Variants in AKAP13 observed in about 807,000 individuals in gnomAD.
AKAP13 encodes the protein A-kinase anchoring protein 13.
A neutral mutation model predicts 264.5 loss-of-function variants in AKAP13; 80 were observed. That is an observed-to-expected ratio of 0.30 (90% CI 0.25 to 0.36). AKAP13 has a LOEUF of 0.36. Among genes scored for constraint, AKAP13 ranks in the 10% least tolerant of loss-of-function variants. The pLI is 1.00. For synonymous variants in AKAP13, 1,380 were observed against 1,250.2 expected (o/e 1.10, Z -2.19); for missense variants, 3,712 against 3,435.2 (o/e 1.08, Z -2.01).
chr15:85,586,470 C>G (rs1468392108), intron 8 of AKAP13, among the ~76,000 whole-genome samples: 4 of 152,140 alleles, frequency 2.6e-5, no homozygotes, highest in Non-Finnish European at 4.4e-5. Flanking sequence ...TCCCAAAGTG[C>G]TGGGATTACA....
At chr15:85,412,000 A>G (rs963957213) in intron 1 of AKAP13, among the ~76,000 whole-genome samples, 3 of 152,230 alleles carry the variant, frequency 2.0e-5, no homozygotes, top group African/African-American at 7.2e-5. Flanking sequence ...AAGTAATGAT[A>G]TTAACAAATG....
intron 12 of AKAP13, among the ~76,000 whole-genome samples, chr15:85,662,022 T>C (rs576950229): frequency 6.6e-6 from 1 of 152,178 alleles, no homozygotes; most frequent in Non-Finnish European, 1.5e-5. Context: ...GAGTATGCGA[T>C]GTACTGAGAG....
At chr15:85,517,781 T>C (rs1055577955) in intron 2 of AKAP13, among the ~76,000 whole-genome samples, 1 of 152,216 alleles carries the variant, frequency 6.6e-6, no homozygotes, top group Non-Finnish European at 1.5e-5. Context: ...AGGCCTAGTA[T>C]AGAGGTCTTT....
Position 85,741,240 on chromosome 15 carries a change from C to G in AKAP13, c.7803C>G (p.Arg2601=), listed in dbSNP as rs764098592. The change falls in exon 35 of 37, where the codon CGC becomes CGG. Residue 2601 remains arginine, a synonymous_variant. Coordinates refer to ENST00000394518, the MANE Select transcript of AKAP13 (RefSeq NM_007200.5). Reference sequence around the variant, plus strand: ...AGTACCTCGAGGAGAAGCGCAGGCGCGAGCGTGAGTGGGAAGCTCGTGAGA... The same window carrying G: ...AGTACCTCGAGGAGAAGCGCAGGCGGGAGCGTGAGTGGGAAGCTCGTGAGA... The part of the protein sequence containing the change: ...QAQYLEEKRR[R]EREWEARERE... 2.5e-6 allele frequency: 4 copies of G among 1,608,984 alleles called. No homozygotes were observed. Among genetic ancestry groups the G allele is most frequent in the Non-Finnish European group, 1.7e-6 (2 of 1,177,790 alleles).
intron 19 of AKAP13, among the ~76,000 whole-genome samples, 195 bp from the exon 20 acceptor site, chr15:85,715,593 T>G (rs1164816612): frequency 1.3e-5 from 2 of 151,070 alleles, no homozygotes; most frequent in South Asian, 2.1e-4. Flanking sequence ...ATTTGTCAGA[T>G]GGGTCAGTAC....
intron 5 of AKAP13, chr15:85,555,601 G>A (rs887450297): frequency 4.0e-5 from 27 of 667,720 alleles, no homozygotes; most frequent in Non-Finnish European, 5.4e-5. Flanking sequence ...GAACTTCCCT[G>A]AAGGACTTGT....
chr15:85,517,911 A>C (rs1211299026), intron 2 of AKAP13, among the ~76,000 whole-genome samples: 3 of 152,210 alleles, frequency 2.0e-5, no homozygotes, highest in African/African-American at 7.2e-5. Context: ...TAAGGGGATC[A>C]CGCTGTTTCT....
chr15:85,580,263 G>A lies in AKAP13; in HGVS notation c.2195G>A (p.Cys732Tyr). The A allele has an allele frequency of 1.2e-6, 2 of 1,614,184 alleles. No individual in the cohort carries two copies. Among genetic ancestry groups the A allele is most frequent in the Non-Finnish European group, 1.7e-6 (2 of 1,180,034 alleles). The change falls in exon 7 of 37, where the codon TGT becomes TAT. Residue 732 changes from cysteine to tyrosine, a missense_variant. Around this residue, in one of 3 missense-constraint regions of AKAP13, gnomAD observed 2,759 missense variants for 2,411.7 expected, o/e 1.14. Coordinates refer to ENST00000394518, the MANE Select transcript of AKAP13 (RefSeq NM_007200.5). ...GATACCCAGGAACGTGCGGATTTTT[G>A]TCCTTTCAAAGTGGTGGATAACAAA... ...VRDTQERADF[C>Y]PFKVVDNKGQ...
At chr15:85,442,500 A>G (rs1315899002) in intron 1 of AKAP13, among the ~76,000 whole-genome samples, 1 of 109,422 alleles carries the variant, frequency 9.1e-6, no homozygotes, top group Non-Finnish European at 1.9e-5. Context: ...AATATATATT[A>G]TATTATATAT....
chr15:85,589,058 AATG>A (rs2079477741), intron 8 of AKAP13, among the ~76,000 whole-genome samples: 2 of 152,180 alleles, frequency 1.3e-5, no homozygotes, highest in Non-Finnish European at 2.9e-5. Flanking sequence ...GCATTCTTAT[AATG>A]ATGTGAAATC....
At chr15:85,740,162 G>A in intron 33 of AKAP13, 60 bp from the exon 34 acceptor site, 2 of 1,564,352 alleles carry the variant, frequency 1.3e-6, no homozygotes, top group South Asian at 2.2e-5. Flanking sequence ...ACATTAGTGT[G>A]ATGGATTCTG....
chr15:85,473,765 C>T (rs1350313879), intron 1 of AKAP13, among the ~76,000 whole-genome samples: 1 of 152,162 alleles, frequency 6.6e-6, no homozygotes, highest in Admixed American at 6.5e-5. Flanking sequence ...TAGCCAGGGG[C>T]CTCCCTCCTC....
intron 5 of AKAP13, among the ~76,000 whole-genome samples, chr15:85,573,356 A>T (rs540460717): frequency 6.6e-6 from 1 of 152,230 alleles, no homozygotes; most frequent in East Asian, 1.9e-4. Flanking sequence ...CAGCCTGGCC[A>T]ATGTGGCAAA....
intron 14 of AKAP13, among the ~76,000 whole-genome samples, chr15:85,677,322 C>T (rs545105318): frequency 1.3e-5 from 2 of 152,274 alleles, no homozygotes; most frequent in East Asian, 1.9e-4. Flanking sequence ...CTCCTGATTC[C>T]AGGGCACAAG....
At chr15:85,494,596 T>C (rs1848549367) in intron 2 of AKAP13, among the ~76,000 whole-genome samples, 1 of 152,150 alleles carries the variant, frequency 6.6e-6, no homozygotes, top group Non-Finnish European at 1.5e-5. Context: ...TGGTGACGAA[T>C]TTGATGAGTC....
In AKAP13 at chr15:85,669,795, T is replaced by G; in HGVS notation, c.5066T>G (p.Ile1689Ser). 3.7e-6 allele frequency: 6 copies of G among 1,613,066 alleles called. No individual in the cohort carries two copies. Among genetic ancestry groups the G allele is most frequent in the Non-Finnish European group, 5.1e-6 (6 of 1,179,120 alleles). ...SAISSPLTKSISLMTISHPGL... is the reference protein window; with the variant it reads ...SAISSPLTKSSSLMTISHPGL... ...ATTTCCTCTCCATTGACAAAATCCA[T>G]CTCATTAATGACAATCAGCCATCCT... The change falls in exon 14 of 37, where the codon ATC becomes AGC. Residue 1689 changes from isoleucine (I) to serine (S), a missense_variant. Physicochemically the swap from Ile to Ser is moderately radical, Grantham distance 142. Around this residue, in one of 3 missense-constraint regions of AKAP13, gnomAD observed 2,759 missense variants for 2,411.7 expected, o/e 1.14. Coordinates refer to ENST00000394518, the MANE Select transcript of AKAP13 (RefSeq NM_007200.5).
At chr15:85,674,063 G>A (rs1332338013) in intron 14 of AKAP13, among the ~76,000 whole-genome samples, 1 of 151,668 alleles carries the variant, frequency 6.6e-6, no homozygotes, top group Non-Finnish European at 1.5e-5. Flanking sequence ...TCAAATAATA[G>A]AGAATCTGCT....
At chr15:85,491,108 C>A (rs767071538) in intron 2 of AKAP13, among the ~76,000 whole-genome samples, 2 of 152,092 alleles carry the variant, frequency 1.3e-5, no homozygotes, top group African/African-American at 4.8e-5. Context: ...GGGGTCCAAT[C>A]TCTTCTGCAT....
rs973995901 is a variant in AKAP13, at chr15:85,731,376, T to C, written c.7282+669T>C. Reference sequence around the variant, plus strand: ...TAGACATTATAGTTTAATTTGCTTATGTTTTTTGATATGCATCTTAAAATT... The same window carrying C: ...TAGACATTATAGTTTAATTTGCTTACGTTTTTTGATATGCATCTTAAAATT... On this transcript the variant is annotated intron_variant, in intron 30 of 36. Coordinates refer to ENST00000394518, the MANE Select transcript of AKAP13 (RefSeq NM_007200.5). Among the ~76,000 whole-genome samples the C allele has an allele frequency of 3.9e-5, 6 of 152,238 alleles. No homozygotes were observed. The South Asian group carries it at 1.0e-3, about 26-fold the overall frequency.
Sources: gnomAD v4.1 joint callset for allele counts (sites outside exome capture counted in the v4.1 genomes callset) on GRCh38, gnomAD v4.1.1 for gene constraint, gnomAD v4.1.1 regional missense constraint, MANE v1.5 for transcripts, NCBI Gene and HGNC (gene_info 2026-07-23, HGNC 2026-07-21) for gene names.